SLC38A5: variants seen among roughly 807,000 people sequenced by gnomAD.
SLC38A5 encodes the protein sodium-coupled neutral amino acid transporter 5.
SLC38A5 carries 9 observed loss-of-function variants against 34.6 expected under a neutral mutation model. The ratio of observed to expected loss-of-function variants is 0.26; its 90% CI spans 0.16 to 0.45. SLC38A5 has a LOEUF of 0.45. Ranked by LOEUF, SLC38A5 falls within the 20% of genes least tolerant of loss-of-function variation. The pLI, the probability that SLC38A5 is intolerant of heterozygous loss-of-function variation, is 1.00. For synonymous variants in SLC38A5, 157 were observed against 155.6 expected (o/e 1.01, Z -0.07); for missense variants, 253 against 394.7 (o/e 0.64, Z 3.04).
chrX:48,461,898 T>C lies in SLC38A5; in HGVS notation c.772-101A>G, dbSNP rs1235240245. 33 of 1,024,194 alleles carry C rather than the reference T, an allele frequency of 3.2e-5. No individual in the cohort carries two copies. In the South Asian group the frequency reaches 4.5e-4, roughly 14 times the overall value. 84.4% of individuals were successfully genotyped at this position (1,024,194 alleles called of 1,213,427 possible). ...GTAATCGCCCTCCATATCAGACACA[T>C]AGAAGCTCCCAATGTCGAATATCCA... On this transcript the variant is annotated intron_variant, in intron 11 of 16. Coordinates refer to ENST00000620913, the MANE Select transcript of SLC38A5 (RefSeq NM_033518.4).
chrX:48,467,532 C>T lies in SLC38A5; in HGVS notation c.129+178G>A, dbSNP rs1176139359. On this transcript the variant is annotated intron_variant, in intron 4 of 16. Coordinates refer to ENST00000620913, the MANE Select transcript of SLC38A5 (RefSeq NM_033518.4). ...AGGCCAGGGAGAGAGCTGGAAAGGG[C>T]ATATCTGGGGAAGAGGAGTATCTGG... 5 of 469,139 alleles carry T rather than the reference C, an allele frequency of 1.1e-5. No individual in the cohort carries two copies. The South Asian group carries it at 1.6e-4, about 15-fold the overall frequency. The allele number at this position is 469,139 out of a possible 1,213,427, so 38.7% of individuals were successfully genotyped here. A position where few individuals can be genotyped will look rare whatever the true frequency, so the allele number is the denominator to read the frequency against.
At chrX:48,468,241 C>A in intron 2 of SLC38A5, 1 of 953,724 alleles carries the variant, frequency 1.0e-6, no homozygotes, top group South Asian at 3.6e-5. Context: ...AGAGCCGGAC[C>A]CCAGCGCAGA....
At chrX:48,459,409 G>A (rs1161696151) in intron 16 of SLC38A5, 127 bp downstream of exon 16, 1 of 640,076 alleles carries the variant, frequency 1.6e-6, no homozygotes, top group Non-Finnish European at 2.2e-6. Flanking sequence ...CATTCTTCCA[G>A]ACCATTCTTT....
At chrX:48,460,800 G>A in intron 13 of SLC38A5, 36 bp from the exon 14 acceptor site, 2 of 1,170,536 alleles carry the variant, frequency 1.7e-6, no homozygotes, top group Non-Finnish European at 2.3e-6. Flanking sequence ...GATGCAGGAT[G>A]TGGAGAGAGC....
intron 9 of SLC38A5, 119 bp downstream of exon 9, chrX:48,462,779 C>A: frequency 1.8e-6 from 1 of 563,497 alleles, no homozygotes; most frequent in Non-Finnish European, 2.8e-6. Flanking sequence ...TGTTCAAGCC[C>A]ACATCAAATA....
intron 10 of SLC38A5, 41 bp downstream of exon 10, chrX:48,462,192 C>T: frequency 8.3e-7 from 1 of 1,211,094 alleles, no homozygotes; most frequent in Non-Finnish European, 1.1e-6. Flanking sequence ...GAAGCTATGT[C>T]CCAATGTCCC....
At chrX:48,468,842 C>T in intron 2 of SLC38A5, 2 of 749,874 alleles carry the variant, frequency 2.7e-6, no homozygotes, top group South Asian at 1.4e-4. Context: ...GGAGGAAGAG[C>T]TATTTCTGAG....
At chrX:48,467,820 G>C in intron 3 of SLC38A5, 35 bp from the exon 4 acceptor site, 1 of 1,203,719 alleles carries the variant, frequency 8.3e-7, no homozygotes. Context: ...CCGATAAGAG[G>C]GAAATCCTGA....
rs1556961936 is a variant in SLC38A5 at position 48,461,709 on chromosome X, C to T, written c.851+9G>A. On this transcript the variant is annotated intron_variant, in intron 12 of 16. Coordinates refer to ENST00000620913, the MANE Select transcript of SLC38A5 (RefSeq NM_033518.4). Reference sequence around the variant, plus strand: ...CCCATCATTCAGGCCCACTTGCCTGCCCACTCACCGGCAGAGCTCCGTATA... The same window carrying T: ...CCCATCATTCAGGCCCACTTGCCTGTCCACTCACCGGCAGAGCTCCGTATA... 2.5e-6 allele frequency: 3 copies of T among 1,200,494 alleles called. No individual in the cohort carries two copies. Among genetic ancestry groups the T allele is most frequent in the Non-Finnish European group, 3.4e-6 (3 of 889,845 alleles).
intron 8 of SLC38A5, among the ~76,000 whole-genome samples, chrX:48,465,172 C>T (rs1207615084): frequency 8.9e-6 from 1 of 111,760 alleles, no homozygotes; most frequent in Non-Finnish European, 1.9e-5. Context: ...GGAGTCCCAT[C>T]GTGCACATGC....
intron 12 of SLC38A5, 53 bp from the exon 13 acceptor site, chrX:48,461,139 A>T: frequency 9.5e-7 from 1 of 1,056,237 alleles, no homozygotes; most frequent in Non-Finnish European, 1.3e-6. Context: ...GACTTGCCCC[A>T]GGTCCCTCAA....
intron 4 of SLC38A5, 56 bp downstream of exon 4, chrX:48,467,654 G>A (rs919008727): frequency 5.4e-6 from 6 of 1,113,672 alleles, no homozygotes; most frequent in Admixed American, 2.4e-5. Flanking sequence ...GGAGCAGTGC[G>A]GGAGGAGATT....
Position 48,466,328 on chromosome X carries a change from G to C in SLC38A5, c.320-6C>G, listed in dbSNP as rs782016382. On this transcript the variant is annotated splice_polypyrimidine_tract_variant and splice_region_variant and intron_variant, in intron 6 of 16. Transcript: ENST00000620913. Reference sequence around the variant, plus strand: ...CTGCTCATAGGCTCGGATGCCTAGCGGGGGGAGTCAGGAACAGGGTTGAAG... The same window carrying C: ...CTGCTCATAGGCTCGGATGCCTAGCCGGGGGAGTCAGGAACAGGGTTGAAG... 6.4e-4 allele frequency: 763 copies of C among 1,186,676 alleles called. No individual in the cohort carries two copies. Among genetic ancestry groups the C allele is most frequent in the Non-Finnish European group, 8.2e-4 (723 of 883,037 alleles).
At position 48,458,826 on chromosome X, in the gene SLC38A5, G is replaced by A. The variant is rs1198192277; in HGVS notation, c.*107C>T. On this transcript the variant is annotated 3_prime_UTR_variant, in exon 17 of 17. Coordinates refer to ENST00000620913, the MANE Select transcript of SLC38A5 (RefSeq NM_033518.4). The stretch of plus-strand genomic sequence containing the variant: ...GCTGTCCCCCGCCTCTGACAACCAC[G>A]TTCATGGGAACCAGCCACCTCCACA... 2.0e-5 allele frequency: 22 copies of A among 1,097,111 alleles called. No individual in the cohort carries two copies. The East Asian group carries it at 5.8e-4, about 29-fold the overall frequency. 90.4% of individuals were successfully genotyped at this position (1,097,111 alleles called of 1,213,427 possible). A position where few individuals can be genotyped will look rare whatever the true frequency, so the allele number is the denominator to read the frequency against.
intron 4 of SLC38A5, chrX:48,467,308 G>T: frequency 2.3e-6 from 1 of 433,667 alleles, no homozygotes; most frequent in South Asian, 3.5e-5. Context: ...GGAGGGAGCA[G>T]CTGGAAGTGG....
intron 9 of SLC38A5, 67 bp downstream of exon 9, chrX:48,462,831 G>T: frequency 1.2e-6 from 1 of 864,708 alleles, no homozygotes; most frequent in Non-Finnish European, 1.7e-6. Flanking sequence ...AATGAATGGG[G>T]GTTTTCTCAG....
chrX:48,462,286 G>A lies in SLC38A5; in HGVS notation c.580C>T (p.Leu194=). The change falls in exon 10 of 17, where the codon CTG becomes TTG. Residue 194 remains leucine, a synonymous_variant. Transcript: ENST00000620913. ...AGAGAGAGACCACTGGTGTACCCCA[G>A]GTAGCCTAAGAGGGGCAAAACACAG... ...PLALMKHLGY[L]GYTSGLSLTC... 1 of 1,208,677 alleles carries A rather than the reference G, an allele frequency of 8.3e-7. No homozygotes were observed. Among genetic ancestry groups the A allele is most frequent in the Non-Finnish European group, 1.1e-6 (1 of 893,971 alleles).
At chrX:48,468,467 G>A (rs1047635590) in intron 2 of SLC38A5, 99 of 689,953 alleles carry the variant, frequency 1.4e-4, no homozygotes, top group Non-Finnish European at 1.6e-4. Flanking sequence ...CCTCCTTCCC[G>A]CCTGGGCCCC....
intron 12 of SLC38A5, among the ~76,000 whole-genome samples, 166 bp from the exon 13 acceptor site, chrX:48,461,252 C>T (rs868958822): frequency 9.0e-6 from 1 of 111,048 alleles, no homozygotes; most frequent in Non-Finnish European, 1.9e-5. Flanking sequence ...CCAAAATCCC[C>T]TCTCTGACCA....
Sources: gnomAD v4.1 joint callset for allele counts (sites outside exome capture counted in the v4.1 genomes callset) on GRCh38, gnomAD v4.1.1 for gene constraint, MANE v1.5 for transcripts, NCBI Gene and HGNC (gene_info 2026-07-23, HGNC 2026-07-21) for gene names.